Variants in PTPN3 observed in about 807,000 individuals in gnomAD.
The protein encoded by PTPN3 is protein tyrosine phosphatase non-receptor type 3.
A neutral mutation model predicts 132.7 loss-of-function variants in PTPN3; 96 were observed. That is an observed-to-expected ratio of 0.72 (90% CI 0.61 to 0.86). The LOEUF (loss-of-function observed/expected upper bound fraction) is 0.86, where lower values mean the gene tolerates loss of function less well. Among genes scored for constraint, PTPN3 ranks in the 40% least tolerant of loss-of-function variants. The probability of loss-of-function intolerance (pLI) is 0.00; values close to 1 mark genes in which losing one functional copy is unlikely to be tolerated. For missense variants in PTPN3, 1,125 were observed against 1,159.6 expected, an observed-to-expected ratio of 0.97 and a Z score of 0.43; for synonymous variants, 398 against 429.0, an observed-to-expected ratio of 0.93 and a Z score of 0.89.
At chr9:109,475,463 G>A (rs1350400079) in intron 1 of PTPN3, among the ~76,000 whole-genome samples, 1 of 152,160 alleles carries the variant, frequency 6.6e-6, no homozygotes, top group Admixed American at 6.5e-5. Flanking sequence ...ATAGACAATG[G>A]AATATGTTTT....
the PTPN3 span, among the ~76,000 whole-genome samples, chr9:109,528,801 T>A: frequency 6.6e-6 from 1 of 151,818 alleles, no homozygotes; most frequent in Non-Finnish European, 1.5e-5. Context: ...TCCTTCTTCC[T>A]TGTGTGTGTG....
chr9:109,465,541 C>T (rs1231478445), intron 1 of PTPN3, among the ~76,000 whole-genome samples: 1 of 151,942 alleles, frequency 6.6e-6, no homozygotes, highest in Non-Finnish European at 1.5e-5. Flanking sequence ...GAAATTTCAT[C>T]TCTACTAAAC....
At chr9:109,454,962 T>C (rs1477450192) in intron 4 of PTPN3, among the ~76,000 whole-genome samples, 2 of 152,246 alleles carry the variant, frequency 1.3e-5, no homozygotes, top group Non-Finnish European at 2.9e-5. Flanking sequence ...AGCATTTTCA[T>C]GTACATTCCT....
chr9:109,482,528 T>C (rs1847008519), intron 1 of PTPN3, among the ~76,000 whole-genome samples: 1 of 152,200 alleles, frequency 6.6e-6, no homozygotes, highest in Non-Finnish European at 1.5e-5. Flanking sequence ...CAGAAGAAAG[T>C]CAAACTGATC....
chr9:109,483,470 C>T (rs1212991973), intron 1 of PTPN3, among the ~76,000 whole-genome samples: 1 of 152,090 alleles, frequency 6.6e-6, no homozygotes. Flanking sequence ...TCCGGGAACT[C>T]ACAAATCAAT....
upstream of PTPN3, among the ~76,000 whole-genome samples, chr9:109,503,162 G>A (rs982370675): frequency 1.3e-5 from 2 of 152,166 alleles, no homozygotes; most frequent in African/African-American, 2.4e-5. Flanking sequence ...AAAAAAGTGA[G>A]AGGCTCCTTT....
At position 109,391,217 on chromosome 9, in the gene PTPN3, A is replaced by T. The variant is rs755506073; in HGVS notation, c.2045-18T>A. The T allele has an allele frequency of 6.2e-7, 1 of 1,605,318 alleles. No homozygotes were observed. The highest frequency in any genetic ancestry group is 1.1e-5 in the South Asian group (1 of 90,292). Reference sequence around the variant, plus strand: ...GGTGTCATCTGCGGGGAAGAGAAAAATTTACCGATTATTCCGAGCATTATT... The same window carrying T: ...GGTGTCATCTGCGGGGAAGAGAAAATTTTACCGATTATTCCGAGCATTATT... On this transcript the variant is annotated intron_variant, in intron 20 of 25. Transcript: ENST00000374541.
In PTPN3 at chr9:109,389,494, T is replaced by C. The variant is rs1046391126; in HGVS notation, c.2107-115A>G. ...TATTGCACCAGAAAAATTATCTCTT[T>C]ATCAATTCACAGCCAATAAGGAAAA... On this transcript the variant is annotated intron_variant, in intron 21 of 25. Coordinates refer to ENST00000374541, the MANE Select transcript of PTPN3 (RefSeq NM_002829.4). 5 of 1,106,834 alleles carry C rather than the reference T, an allele frequency of 4.5e-6. No individual in the cohort carries two copies. In the African/African-American group the frequency reaches 7.9e-5, roughly 17 times the overall value. The allele number at this position is 1,106,834 out of a possible 1,614,324, so 68.6% of individuals were successfully genotyped here.
Position 109,437,992 on chromosome 9 carries a change from C to G in PTPN3, c.587+122G>C, listed in dbSNP as rs556637254. 32 of 1,249,054 alleles carry G rather than the reference C, an allele frequency of 2.6e-5. No homozygotes were observed. The African/African-American group carries it at 4.1e-4, about 16-fold the overall frequency. 77.4% of individuals were successfully genotyped at this position (1,249,054 alleles called of 1,614,324 possible). ...CATACCAGCTCAAAGGTTCAAAAACCCCCGACATCTTGAAAGAGGATTCAT... is the reference window on the plus strand; with the variant it reads ...CATACCAGCTCAAAGGTTCAAAAACGCCCGACATCTTGAAAGAGGATTCAT... On this transcript the variant is annotated intron_variant, in intron 8 of 25. Coordinates refer to ENST00000374541, the MANE Select transcript of PTPN3 (RefSeq NM_002829.4).
intron 12 of PTPN3, among the ~76,000 whole-genome samples, chr9:109,424,014 G>A (rs1843068005): frequency 6.6e-6 from 1 of 152,128 alleles, no homozygotes; most frequent in African/African-American, 2.4e-5. Flanking sequence ...GCATCACTGG[G>A]AGACTCTTTC....
the PTPN3 span, among the ~76,000 whole-genome samples, chr9:109,517,676 T>C: frequency 1.3e-5 from 2 of 152,234 alleles, no homozygotes; most frequent in African/African-American, 4.8e-5. Context: ...GAAATAGTTC[T>C]GATGACCATG....
intron 1 of PTPN3, among the ~76,000 whole-genome samples, chr9:109,488,963 T>C (rs1588506563): frequency 6.6e-6 from 1 of 152,196 alleles, no homozygotes; most frequent in East Asian, 1.9e-4. Context: ...GACTTAGTCA[T>C]CATCTCAGAA....
chr9:109,530,355 A>T, the PTPN3 span, among the ~76,000 whole-genome samples: 5 of 152,204 alleles, frequency 3.3e-5, no homozygotes. Flanking sequence ...TATTTAACTT[A>T]GCATGTTTTC....
intron 1 of PTPN3, among the ~76,000 whole-genome samples, chr9:109,496,460 G>A (rs758323973): frequency 5.3e-5 from 8 of 152,212 alleles, no homozygotes; most frequent in Non-Finnish European, 8.8e-5. Context: ...GGAGACTTGG[G>A]TTACACCCCA....
Position 109,451,272 on chromosome 9 carries a change from A to G in PTPN3, c.369-2417T>C, listed in dbSNP as rs988200985. The G allele has an allele frequency of 6.1e-6, 6 of 985,070 alleles. No individual in the cohort carries two copies. The African/African-American group carries it at 8.7e-5, about 14-fold the overall frequency. The allele number at this position is 985,070 out of a possible 1,614,324, so 61.0% of individuals were successfully genotyped here. A position where few individuals can be genotyped will look rare whatever the true frequency, so the allele number is the denominator to read the frequency against. On this transcript the variant is annotated intron_variant, in intron 5 of 25. Transcript: ENST00000374541. ...AGTCCTGGTGGCCCACCAGCTCTATAAGAGTTATGGGGGTGGCTCCCACCA... is the reference window on the plus strand; with the variant it reads ...AGTCCTGGTGGCCCACCAGCTCTATGAGAGTTATGGGGGTGGCTCCCACCA...
At chr9:109,426,827 C>A (rs1299245241) in intron 12 of PTPN3, 123 bp downstream of exon 12, 2 of 1,079,688 alleles carry the variant, frequency 1.9e-6, no homozygotes, top group African/African-American at 3.2e-5. Flanking sequence ...TTCAGAGATC[C>A]AATGCCTGGA....
chr9:109,499,955 C>T (rs1016768917), upstream of PTPN3, among the ~76,000 whole-genome samples: 1 of 152,170 alleles, frequency 6.6e-6, no homozygotes, highest in Non-Finnish European at 1.5e-5. Context: ...TGCTCGGAGC[C>T]GGGCGGGGCC....
chr9:109,382,189 T>C (rs1839160703), intron 24 of PTPN3, 113 bp downstream of exon 24: 2 of 1,318,112 alleles, frequency 1.5e-6, no homozygotes, highest in African/African-American at 1.5e-5. Context: ...CAGAGGTTTG[T>C]AAGGGCACAC....
chr9:109,474,444 A>AG (rs1262815743), intron 1 of PTPN3, among the ~76,000 whole-genome samples: 1 of 152,064 alleles, frequency 6.6e-6, no homozygotes, highest in African/African-American at 2.4e-5. Context: ...ATCAAGTTCT[A>AG]GGGGAGAGGA....
Sources: allele counts gnomAD v4.1 joint callset (sites outside exome capture counted in the v4.1 genomes callset), GRCh38; gene constraint gnomAD v4.1.1; transcripts MANE v1.5; gene names NCBI Gene and HGNC (gene_info 2026-07-23, HGNC 2026-07-21).